Variants in CSPG4 observed in about 807,000 individuals in gnomAD.
CSPG4 encodes chondroitin sulfate proteoglycan 4 (melanoma-associated).
A neutral mutation model predicts 139.3 loss-of-function variants in CSPG4; 74 were observed. That is an observed-to-expected ratio of 0.53 (90% CI 0.44 to 0.64). The LOEUF (loss-of-function observed/expected upper bound fraction) is 0.64, where lower values mean the gene tolerates loss of function less well. Among genes scored for constraint, CSPG4 ranks in the 30% least tolerant of loss-of-function variants. The probability of loss-of-function intolerance (pLI) is 0.00; values close to 1 mark genes in which losing one functional copy is unlikely to be tolerated. For synonymous variants in CSPG4, 1,234 were observed against 1,394.2 expected (o/e 0.89, Z 2.56); for missense variants, 2,565 against 3,148.3 (o/e 0.81, Z 4.43).
Position 75,693,078 on chromosome 15 carries a change from G to A in CSPG4, c.244C>T (p.Arg82Cys), listed in dbSNP as rs146274863. Residue 82 changes from arginine (R) to cysteine (C), a missense_variant, in exon 2 of 10, where the codon CGC (arginine) becomes TGC (cysteine). This residue lies in a region of CSPG4 where 30 missense variants were observed against 60.1 expected (regional missense o/e 0.50). Coordinates refer to ENST00000308508, the MANE Select transcript of CSPG4 (RefSeq NM_001897.5). ...DHLLLQLYSG[R>C]LQVRLVLGQE... ...AGGGGGACGTCACTCACCTGCAGGC[G>A]TCCAGAGTAGAGCTGCAGCAGGAGG... 287 of 1,490,582 alleles carry A rather than the reference G, an allele frequency of 1.9e-4. 1 individual carries two copies. In the African/African-American group the frequency reaches 3.3e-3, roughly 17 times the overall value. The allele number at this position is 1,490,582 out of a possible 1,614,324, so 92.3% of individuals were successfully genotyped here.
chr15:75,690,883 G>C lies in CSPG4; in HGVS notation c.253-71C>G. 6 of 1,502,116 alleles carry C rather than the reference G, an allele frequency of 4.0e-6. No individual in the cohort carries two copies. In the South Asian group the frequency reaches 5.2e-5, roughly 13 times the overall value. The allele number at this position is 1,502,116 out of a possible 1,614,324, so 93.0% of individuals were successfully genotyped here. A position where few individuals can be genotyped will look rare whatever the true frequency, so the allele number is the denominator to read the frequency against. On this transcript the variant is annotated intron_variant, in intron 2 of 9. Coordinates refer to ENST00000308508, the MANE Select transcript of CSPG4 (RefSeq NM_001897.5). Reference sequence around the variant, plus strand: ...CCATCATTTCCCTTATAAAAGCATAGAGCCGGGCGTGATTGCAGTGGTGGC... The same window carrying C: ...CCATCATTTCCCTTATAAAAGCATACAGCCGGGCGTGATTGCAGTGGTGGC...
At chr15:75,706,388 A>T (rs1461943643) in intron 1 of CSPG4, among the ~76,000 whole-genome samples, 2 of 151,154 alleles carry the variant, frequency 1.3e-5, no homozygotes, top group Non-Finnish European at 3.0e-5. Flanking sequence ...CGTGTGTGTG[A>T]GTGTGTATGT....
chr15:75,693,957 A>G (rs1323192576), intron 1 of CSPG4, among the ~76,000 whole-genome samples: 1 of 152,232 alleles, frequency 6.6e-6, no homozygotes, highest in Non-Finnish European at 1.5e-5. Context: ...GTCAAACCAA[A>G]GTGGGCCCAC....
In CSPG4 at chr15:75,690,574, C is replaced by T. The variant is rs571064632; in HGVS notation, c.491G>A (p.Arg164Gln). 3.2e-5 allele frequency: 52 copies of T among 1,607,820 alleles called. No individual in the cohort carries two copies. The Admixed American group carries it at 3.5e-4, about 11-fold the overall frequency. The change falls in exon 3 of 10, where the codon CGA becomes CAA. Residue 164 changes from arginine to glutamine, a missense_variant. Coordinates refer to ENST00000308508, the MANE Select transcript of CSPG4 (RefSeq NM_001897.5). Reference protein sequence around the residue: ...LGLPYLRGTSRPLRGCLHAAT... With the variant: ...LGLPYLRGTSQPLRGCLHAAT... ...TGCATGGAGGCAACCCCTCAGGGGT[C>T]GGCTGGTTCCCCTCAGGTAGGGCAG... is the stretch of plus-strand genomic sequence containing the variant.
At chr15:75,692,336 A>C (rs1036402032) in intron 2 of CSPG4, among the ~76,000 whole-genome samples, 2 of 152,124 alleles carry the variant, frequency 1.3e-5, no homozygotes, top group African/African-American at 4.8e-5. Context: ...CTTAGGCCAG[A>C]CTTGAACTCC....
Position 75,688,233 on chromosome 15 carries a change from C to T in CSPG4, c.2832G>A (p.Arg944=). 1.2e-6 allele frequency: 2 copies of T among 1,613,016 alleles called. No individual in the cohort carries two copies. The highest frequency in any genetic ancestry group is 1.7e-6 in the Non-Finnish European group (2 of 1,179,954). The change falls in exon 3 of 10, where the codon AGG becomes AGA. Residue 944 remains arginine, a synonymous_variant. Transcript: ENST00000308508. ...YEVMERPRHG[R]LAWRGTQDKT... ...TGTCCTGTGTCCCACGCCAAGCCAA[C>T]CTCCCATGGCGGGGCCGCTCCATGA...
intron 7 of CSPG4, 40 bp from the exon 8 acceptor site, chr15:75,682,499 G>A: frequency 6.4e-7 from 1 of 1,573,796 alleles, no homozygotes; most frequent in Non-Finnish European, 8.6e-7. Flanking sequence ...TTGACTGGGA[G>A]CCAGGTCCAG....
chr15:75,683,372 C>T (rs1289845977), intron 5 of CSPG4, among the ~76,000 whole-genome samples: 1 of 152,198 alleles, frequency 6.6e-6, no homozygotes, highest in African/African-American at 2.4e-5. Context: ...CTCCCAGAAA[C>T]CCCCAGCGCT....
chr15:75,699,903 C>T (rs1305045239), intron 1 of CSPG4, among the ~76,000 whole-genome samples: 1 of 152,168 alleles, frequency 6.6e-6, no homozygotes, highest in African/African-American at 2.4e-5. Context: ...CCCTCCTTTC[C>T]CCCACTTTCC....
At position 75,687,631 on chromosome 15, in the gene CSPG4, A is replaced by C. The variant is rs1208938095; in HGVS notation, c.3434T>G (p.Ile1145Ser). 1 of 1,612,462 alleles carries C rather than the reference A, an allele frequency of 6.2e-7. No individual in the cohort carries two copies. Among genetic ancestry groups the C allele is most frequent in the Non-Finnish European group, 8.5e-7 (1 of 1,179,708 alleles). ...LVVPQGGQGT[I>S]DTAVLHLDTN... ...GTCCAGGTGGAGCACGGCCGTGTCGATGGTGCCCTGGCCTCCTTGAGGGAC... is the reference window on the plus strand; with the variant it reads ...GTCCAGGTGGAGCACGGCCGTGTCGCTGGTGCCCTGGCCTCCTTGAGGGAC... The change falls in exon 3 of 10, where the codon ATC (isoleucine) becomes AGC (serine). Residue 1145 changes from isoleucine to serine, a missense_variant. Ile to Ser is a moderately radical substitution (Grantham distance 142). This residue lies in a region of CSPG4 where 2,316 missense variants were observed against 2,818.2 expected (regional missense o/e 0.82). Coordinates refer to ENST00000308508, the MANE Select transcript of CSPG4 (RefSeq NM_001897.5). This position sits in a 1 kb window ranked among gnomAD's most constrained non-coding sequence, Gnocchi z 5.4.
Position 75,687,549 on chromosome 15 carries a change from A to G in CSPG4, c.3516T>C (p.Pro1172=). 1 of 1,611,036 alleles carries G rather than the reference A, an allele frequency of 6.2e-7. No homozygotes were observed. The highest frequency in any genetic ancestry group is 8.5e-7 in the Non-Finnish European group (1 of 1,178,640). The change falls in exon 3 of 10, where the codon CCT becomes CCC. Residue 1172 remains proline, a synonymous_variant. Transcript: ENST00000308508. The surrounding 1 kb of genome is among the most constrained non-coding windows in gnomAD (Gnocchi z 5.4). ...DEVHYHVTAG[P]RWGQLVRAGQ... is the part of the protein sequence containing the mutation. ...CAGCCCGGACTAGCTGTCCCCAGCG[A>G]GGGCCAGCTGTGACGTGGTAGTGGA...
chr15:75,682,913 CG>C lies in CSPG4; in HGVS notation c.4577del (p.Ala1526GlyfsTer49), dbSNP rs1893996709. ...TGAAGCTGCGCACCTCAGTGCCCGG[CG>C]CCCCCCGCAGCACTACCCGCCCGTT... ...PSNGRVVLRG[A>X]PGTEVRSFTQ... On this transcript the variant is annotated frameshift_variant, in exon 6 of 10. Transcript: ENST00000308508. LOFTEE classifies it high-confidence loss of function. The C allele has an allele frequency of 6.2e-7, 1 of 1,610,694 alleles. No individual in the cohort carries two copies. The highest frequency in any genetic ancestry group is 1.7e-5 in the Admixed American group (1 of 59,936).
At chr15:75,694,786 G>T (rs1894205872) in intron 1 of CSPG4, among the ~76,000 whole-genome samples, 6 of 152,282 alleles carry the variant, frequency 3.9e-5, no homozygotes, top group Admixed American at 3.9e-4. Context: ...TCTGCGCGGG[G>T]GCGGCCCAGC....
chr15:75,689,507 G>C lies in CSPG4; in HGVS notation c.1558C>G (p.Leu520Val). 1 of 1,586,048 alleles carries C rather than the reference G, an allele frequency of 6.3e-7. No homozygotes were observed. Among genetic ancestry groups the C allele is most frequent in the Non-Finnish European group, 8.5e-7 (1 of 1,171,676 alleles). The change falls in exon 3 of 10, where the codon CTG becomes GTG. Residue 520 changes from leucine to valine, a missense_variant. Leu to Val is a conservative substitution (Grantham distance 32). Around this residue, in one of 5 missense-constraint regions of CSPG4, gnomAD observed 2,316 missense variants for 2,818.2 expected, o/e 0.82. Transcript: ENST00000308508. The stretch of plus-strand genomic sequence containing the variant: ...ACCCGAGCCGTCACCGACACCTCCA[G>C]CACCAGCTGGTCGGAGGTGTCCTCA... The part of the protein sequence containing the change: ...GSEDTSDQLV[L>V]EVSVTARVPM...
chr15:75,700,309 G>T (rs533030160), intron 1 of CSPG4, among the ~76,000 whole-genome samples: 1 of 150,534 alleles, frequency 6.6e-6, no homozygotes, highest in Admixed American at 6.6e-5. Flanking sequence ...CTGGACCCCA[G>T]CCTGGGGAAC....
At position 75,677,230 on chromosome 15, in the gene CSPG4, G is replaced by T; in HGVS notation, c.5289C>A (p.Ser1763=). ...QFPSRGQLLV[S]EEPLHAGQPH... is the part of the protein sequence containing the mutation. ...GCTGCCCAGCATGGAGGGGCTCCTC[G>T]GACACCAACAGCTGGCCCCGGCTGG... The change falls in exon 10 of 10, where the codon TCC becomes TCA. Residue 1763 remains serine, a synonymous_variant. Transcript: ENST00000308508. The T allele has an allele frequency of 6.8e-7, 1 of 1,480,380 alleles. No individual in the cohort carries two copies. 91.7% of individuals were successfully genotyped at this position (1,480,380 alleles called of 1,614,324 possible).
At chr15:75,706,807 G>T (rs540367354) in intron 1 of CSPG4, among the ~76,000 whole-genome samples, 15 of 152,304 alleles carry the variant, frequency 9.8e-5, no homozygotes, top group African/African-American at 3.6e-4. Flanking sequence ...CTTGACCAGG[G>T]AGGATGATAT....
chr15:75,690,888 G>A lies in CSPG4; in HGVS notation c.253-76C>T, dbSNP rs185292984. 43 of 1,476,802 alleles carry A rather than the reference G, an allele frequency of 2.9e-5. No individual in the cohort carries two copies. In the East Asian group the frequency reaches 6.0e-4, roughly 21 times the overall value. 91.5% of individuals were successfully genotyped at this position (1,476,802 alleles called of 1,614,324 possible). On this transcript the variant is annotated intron_variant, in intron 2 of 9. Coordinates refer to ENST00000308508, the MANE Select transcript of CSPG4 (RefSeq NM_001897.5). The stretch of plus-strand genomic sequence containing the variant: ...ATTTCCCTTATAAAAGCATAGAGCC[G>A]GGCGTGATTGCAGTGGTGGCTCATG...
At position 75,676,900 on chromosome 15, in the gene CSPG4, C is replaced by A; in HGVS notation, c.5619G>T (p.Gln1873His). The A allele has an allele frequency of 6.3e-7, 1 of 1,582,706 alleles. No individual in the cohort carries two copies. The highest frequency in any genetic ancestry group is 8.6e-7 in the Non-Finnish European group (1 of 1,165,434). The change falls in exon 10 of 10, where the codon CAG becomes CAT. Residue 1873 changes from glutamine (Q) to histidine (H), a missense_variant. Gln to His is a conservative substitution (Grantham distance 24, BLOSUM62 0). Around this residue, in one of 5 missense-constraint regions of CSPG4, gnomAD observed 2,316 missense variants for 2,818.2 expected, o/e 0.82. Coordinates refer to ENST00000308508, the MANE Select transcript of CSPG4 (RefSeq NM_001897.5). ...SAPGEIEYEVQRAPHNGFLSL... is the reference protein window; with the variant it reads ...SAPGEIEYEVHRAPHNGFLSL... ...TGAGGAAGCCGTTGTGGGGTGCCCG[C>A]TGGACCTCGTACTCAATCTCCCCAG...
Sources: allele counts gnomAD v4.1 joint callset (sites outside exome capture counted in the v4.1 genomes callset), GRCh38; gene constraint gnomAD v4.1.1; regional missense constraint gnomAD v4.1.1; non-coding constraint Gnocchi (gnomAD v3.1); transcripts MANE v1.5; gene names NCBI Gene and HGNC (gene_info 2026-07-23, HGNC 2026-07-21).